Variants in ADAM32 observed in about 807,000 individuals in gnomAD.
ADAM32 encodes ADAM metallopeptidase domain 32, also known as disintegrin and metalloproteinase domain-containing protein 32.
Under a neutral mutation model 114.9 loss-of-function variants are expected in ADAM32, and 89 were observed. The ratio of observed to expected loss-of-function variants is 0.77; its 90% CI spans 0.65 to 0.92. The LOEUF (loss-of-function observed/expected upper bound fraction) is 0.92. Ranked by LOEUF, ADAM32 falls within the 40% of genes least tolerant of loss-of-function variation. The probability of loss-of-function intolerance (pLI) is 0.00; values close to 1 mark genes in which losing one functional copy is unlikely to be tolerated. For synonymous variants in ADAM32, 285 were observed against 307.5 expected (o/e 0.93, Z 0.77); for missense variants, 870 against 932.8 (o/e 0.93, Z 0.88).
intron 1 of ADAM32, among the ~76,000 whole-genome samples, chr8:39,115,549 T>C (rs4733974): frequency 0.48 from 72,593 of 151,636 alleles, 18,334 homozygotes; most frequent in South Asian, 0.56. Context: ...TATGTTTTAT[T>C]TTGAGAAGTG....
chr8:39,260,084 T>C (rs571857017), intron 19 of ADAM32, among the ~76,000 whole-genome samples: 5 of 152,306 alleles, frequency 3.3e-5, no homozygotes, highest in East Asian at 1.9e-4. Flanking sequence ...TGTGGTATGA[T>C]TGACAAATAA....
intron 3 of ADAM32, among the ~76,000 whole-genome samples, chr8:39,139,874 T>C (rs1385223591): frequency 6.6e-6 from 1 of 152,240 alleles, no homozygotes; most frequent in Non-Finnish European, 1.5e-5. Context: ...TAGTTCTCCT[T>C]GAAGAGGTCC....
chr8:39,214,517 C>T (rs575325559), intron 12 of ADAM32, among the ~76,000 whole-genome samples: 1 of 152,038 alleles, frequency 6.6e-6, no homozygotes, highest in Non-Finnish European at 1.5e-5. Flanking sequence ...GACATTTTGC[C>T]CACCTTTAAA....
At chr8:39,216,169 T>C (rs1159640438) in intron 12 of ADAM32, among the ~76,000 whole-genome samples, 3 of 152,060 alleles carry the variant, frequency 2.0e-5, no homozygotes, top group Non-Finnish European at 4.4e-5. Context: ...CTTTGTCTCT[T>C]ATAGTTTTTG....
At chr8:39,170,229 G>A (rs1331313945) in intron 10 of ADAM32, among the ~76,000 whole-genome samples, 1 of 152,040 alleles carries the variant, frequency 6.6e-6, no homozygotes, top group East Asian at 1.9e-4. Context: ...TACGCATGCT[G>A]TTCTTGATAT....
rs577994705 is a variant in ADAM32 at position 39,205,558 on chromosome 8, C to G, written c.1053-5586C>G. On this transcript the variant is annotated intron_variant, in intron 11 of 24. Transcript: ENST00000379907. ...GGTTAGGAAAGGGAATTCCGTGACC[C>G]CTTGCACTTCCTAGGTGAGGTGGTA... Among the ~76,000 whole-genome samples the G allele has an allele frequency of 6.6e-5, 10 of 152,320 alleles. No homozygotes were observed. In the South Asian group the frequency reaches 1.7e-3, roughly 25 times the overall value.
chr8:39,183,561 T>C (rs1806045875), intron 10 of ADAM32, among the ~76,000 whole-genome samples: 1 of 152,178 alleles, frequency 6.6e-6, no homozygotes, highest in African/African-American at 2.4e-5. Context: ...TCTTTCCTCA[T>C]CATCACTCAC....
Position 39,127,820 on chromosome 8 carries a change from T to C in ADAM32, c.139-8837T>C, listed in dbSNP as rs533788691. 1.4e-4 allele frequency among the ~76,000 whole-genome samples: 21 copies of C among 152,326 alleles called. No homozygotes were observed. In the South Asian group the frequency reaches 4.3e-3, roughly 32 times the overall value. ...GCTTTTTGATGTGGGCATTTAGTGC[T>C]ATAAATCTCCCTCTTAAAATTGTTT... On this transcript the variant is annotated intron_variant, in intron 2 of 24. Coordinates refer to ENST00000379907, the MANE Select transcript of ADAM32 (RefSeq NM_145004.7).
chr8:39,284,673 A>C, intron 24 of ADAM32, 120 bp from the exon 25 acceptor site: 1 of 1,076,504 alleles, frequency 9.3e-7, no homozygotes, highest in Non-Finnish European at 1.4e-6. Context: ...ACATCCTTTC[A>C]ATAATTCTTT....
At chr8:39,223,463 C>T (rs1435098366) in intron 14 of ADAM32, 1 of 241,780 alleles carries the variant, frequency 4.1e-6, no homozygotes, top group African/African-American at 2.3e-5. Context: ...CATATACGCG[C>T]TAATTCTTCT....
At chr8:39,261,719 T>C (rs1812041831) in intron 19 of ADAM32, among the ~76,000 whole-genome samples, 1 of 152,208 alleles carries the variant, frequency 6.6e-6, no homozygotes, top group Admixed American at 6.5e-5. Flanking sequence ...GTTATTTTTT[T>C]TTGTCTTTTT....
intron 11 of ADAM32, among the ~76,000 whole-genome samples, chr8:39,205,856 C>T (rs1173280468): frequency 1.3e-5 from 2 of 152,092 alleles, no homozygotes; most frequent in Non-Finnish European, 2.9e-5. Flanking sequence ...ATTTTGAATT[C>T]TTTTTCAGAC....
intron 1 of ADAM32, among the ~76,000 whole-genome samples, chr8:39,110,911 C>T (rs1003283259): frequency 6.6e-6 from 1 of 152,222 alleles, no homozygotes; most frequent in Non-Finnish European, 1.5e-5. Context: ...CTGGCAGCCA[C>T]TGATCTGCTT....
chr8:39,124,422 T>C (rs1441577995), intron 2 of ADAM32, among the ~76,000 whole-genome samples: 2 of 151,302 alleles, frequency 1.3e-5, no homozygotes, highest in East Asian at 3.9e-4. Context: ...TTCTTTTTTT[T>C]TTTTTTTATT....
chr8:39,136,571 G>A, intron 2 of ADAM32, 86 bp from the exon 3 acceptor site: 1 of 826,608 alleles, frequency 1.2e-6, no homozygotes, highest in South Asian at 1.8e-5. Flanking sequence ...TTTAAGCATT[G>A]TTTGGACAGA....
At chr8:39,228,296 C>G (rs772986177) in intron 14 of ADAM32, among the ~76,000 whole-genome samples, 5 of 152,152 alleles carry the variant, frequency 3.3e-5, no homozygotes, top group Non-Finnish European at 7.3e-5. Context: ...CAAAATCACA[C>G]TAGTTCACGA....
chr8:39,173,998 T>TATTTTTA (rs1161645534), intron 10 of ADAM32, among the ~76,000 whole-genome samples: 1 of 152,226 alleles, frequency 6.6e-6, no homozygotes, highest in Non-Finnish European at 1.5e-5. Context: ...CTAATTTTTG[T>TATTTTTA]ATTTTTAGTA....
At chr8:39,233,865 G>A (rs1809912528) in intron 15 of ADAM32, 34 bp from the exon 16 acceptor site, 3 of 1,290,410 alleles carry the variant, frequency 2.3e-6, no homozygotes, top group African/African-American at 3.1e-5. Flanking sequence ...AATTCCTAAT[G>A]TATAATAATC....
chr8:39,256,907 A>AT (rs1304747727), intron 18 of ADAM32, among the ~76,000 whole-genome samples: 1 of 151,906 alleles, frequency 6.6e-6, no homozygotes, highest in African/African-American at 2.4e-5. Context: ...ATATCATTGA[A>AT]TTTTTTTGTC....
Sources: gnomAD v4.1 joint callset for allele counts (sites outside exome capture counted in the v4.1 genomes callset) on GRCh38, gnomAD v4.1.1 for gene constraint, MANE v1.5 for transcripts, NCBI Gene and HGNC (gene_info 2026-07-23, HGNC 2026-07-21) for gene names.